JADE2: variants seen among roughly 807,000 people sequenced by gnomAD.
The protein encoded by JADE2 is jade family PHD finger 2.
A neutral mutation model predicts 85.7 loss-of-function variants in JADE2; 13 were observed. The observed-to-expected ratio is 0.15, with a 90% confidence interval of 0.10 to 0.24. The LOEUF (loss-of-function observed/expected upper bound fraction) is 0.24, where lower values mean the gene tolerates loss of function less well. Among genes scored for constraint, JADE2 ranks in the 10% least tolerant of loss-of-function variants. The pLI is 1.00. For synonymous variants in JADE2, 440 were observed against 456.1 expected (o/e 0.96, Z 0.45); for missense variants, 846 against 1,115.9 (o/e 0.76, Z 3.45).
At chr5:134,525,571 C>G, upstream of JADE2, 1 of 499,348 alleles carries the variant, frequency 2.0e-6, no homozygotes, top group South Asian at 2.1e-5. Flanking sequence ...TGGCTACTCC[C>G]CCTCCCTCGC....
intron 7 of JADE2, among the ~76,000 whole-genome samples, chr5:134,563,675 A>C (rs563671748): frequency 6.6e-6 from 1 of 152,216 alleles, no homozygotes; most frequent in African/African-American, 2.4e-5. Context: ...TGAAGCCCAC[A>C]ATGCGGGCTT....
chr5:134,562,189 C>T lies in JADE2; in HGVS notation c.685-11C>T. ...GTTCCGCTGACTCATGACCACCCTG[C>T]TCTCTCCTAGGCATGCTACGGGATC... On this transcript the variant is annotated splice_polypyrimidine_tract_variant and intron_variant, in intron 6 of 11. Transcript: ENST00000681547. This position sits in a 1 kb window ranked among gnomAD's most constrained non-coding sequence, Gnocchi z 4.6. 6.3e-7 allele frequency: 1 copy of T among 1,599,964 alleles called. No individual in the cohort carries two copies. The highest frequency in any genetic ancestry group is 8.5e-7 in the Non-Finnish European group (1 of 1,172,630).
intron 1 of JADE2, chr5:134,533,680 A>AAT: frequency 2.0e-6 from 1 of 490,152 alleles, no homozygotes; most frequent in Non-Finnish European, 2.6e-6. Flanking sequence ...GCTGAGGAAG[A>AAT]CGTAGGCTAG....
chr5:134,578,950 C>A lies in JADE2; in HGVS notation c.2138C>A (p.Thr713Asn), dbSNP rs35515583. 1 of 1,613,140 alleles carries A rather than the reference C, an allele frequency of 6.2e-7. No homozygotes were observed. The highest frequency in any genetic ancestry group is 1.3e-5 in the African/African-American group (1 of 74,948). Residue 713 changes from threonine to asparagine, a missense_variant, in exon 12 of 12, where the codon ACC (threonine) becomes AAC (asparagine). Transcript: ENST00000681547. The surrounding 1 kb of genome is among the most constrained non-coding windows in gnomAD (Gnocchi z 4.4). ...GCCGGGGACTGTCCCATCCTAGCCA[C>A]CCCTGAAAGCCCCCCGCCACTGGCC... ...PAAGDCPILATPESPPPLAPE... is the reference protein window; with the variant it reads ...PAAGDCPILANPESPPPLAPE...
At chr5:134,546,227 G>A (rs573502172) in intron 3 of JADE2, among the ~76,000 whole-genome samples, 1 of 152,242 alleles carries the variant, frequency 6.6e-6, no homozygotes, top group South Asian at 2.1e-4. Context: ...GGAGTGCAGT[G>A]GCATGATCTC....
At chr5:134,573,582 A>C in intron 9 of JADE2, 63 bp from the exon 10 acceptor site, 3 of 1,161,162 alleles carry the variant, frequency 2.6e-6, no homozygotes, top group Non-Finnish European at 3.9e-6. Flanking sequence ...CAAGGTCCCC[A>C]GAGCTGGGAG....
rs557345965 is a variant in JADE2, at chr5:134,582,683, T to C, written c.*3366T>C. The stretch of plus-strand genomic sequence containing the variant: ...GGAGTCTGAGACCTTTGGTTGTTCT[T>C]TAAGGCACCTCCTGCCACTTTCTCC... On this transcript the variant is annotated 3_prime_UTR_variant, in exon 12 of 12. Transcript: ENST00000681547. The C allele has an allele frequency of 6.5e-6, 1 of 152,790 alleles. No individual in the cohort carries two copies. Among genetic ancestry groups the C allele is most frequent in the East Asian group, 1.9e-4 (1 of 5,178 alleles). The allele number at this position is 152,790 out of a possible 1,614,324, so 9.5% of individuals were successfully genotyped here.
intron 1 of JADE2, among the ~76,000 whole-genome samples, chr5:134,534,686 G>C (rs1761472531): frequency 6.6e-6 from 1 of 152,176 alleles, no homozygotes; most frequent in South Asian, 2.1e-4. Context: ...AGATGGGCTG[G>C]GCAGTGGGGC....
chr5:134,540,472 G>A (rs1015186042), intron 3 of JADE2, among the ~76,000 whole-genome samples: 4 of 151,002 alleles, frequency 2.6e-5, no homozygotes, highest in Non-Finnish European at 2.9e-5. Flanking sequence ...GAGCTCAGGC[G>A]ATCCTCCCAC....
intron 9 of JADE2, among the ~76,000 whole-genome samples, chr5:134,567,327 TC>T (rs1297981521): frequency 6.6e-6 from 1 of 151,920 alleles, no homozygotes; most frequent in Admixed American, 6.6e-5. Flanking sequence ...AGTCCCAGAG[TC>T]TGGAATGGGT....
chr5:134,552,548 T>C (rs1212619693), intron 4 of JADE2, among the ~76,000 whole-genome samples: 3 of 152,158 alleles, frequency 2.0e-5, no homozygotes, highest in African/African-American at 7.2e-5. Context: ...AACCTACTCA[T>C]GCAGTTGTAA....
At position 134,580,747 on chromosome 5, in the gene JADE2, C is replaced by CTT. The variant is rs1421823575; in HGVS notation, c.*1437_*1438dup. 1 of 152,222 alleles carries CTT rather than the reference C, an allele frequency of 6.6e-6. No homozygotes were observed. The highest frequency in any genetic ancestry group is 1.5e-5 in the Non-Finnish European group (1 of 67,956). 9.4% of individuals were successfully genotyped at this position (152,222 alleles called of 1,614,324 possible). A position where few individuals can be genotyped will look rare whatever the true frequency, so the allele number is the denominator to read the frequency against. ...TGGACCTGACAACTTGTCATTTGGACTTTTTTTTAAATGGAGTTCTTTAGC... is the reference window on the plus strand; with the variant it reads ...TGGACCTGACAACTTGTCATTTGGACTTTTTTTTTTAAATGGAGTTCTTTAGC... On this transcript the variant is annotated 3_prime_UTR_variant, in exon 12 of 12. Coordinates refer to ENST00000681547, the MANE Select transcript of JADE2 (RefSeq NM_001388185.1).
chr5:134,557,268 A>ATTTTTT (rs59125974), intron 4 of JADE2, among the ~76,000 whole-genome samples: 10 of 137,864 alleles, frequency 7.3e-5, no homozygotes, highest in African/African-American at 1.9e-4. Context: ...TTATTTTTTT[A>ATTTTTT]TTTTTTTTTT....
intron 4 of JADE2, among the ~76,000 whole-genome samples, chr5:134,552,991 T>TG (rs1762684216): frequency 7.3e-6 from 1 of 136,646 alleles, no homozygotes; most frequent in Non-Finnish European, 1.6e-5. Flanking sequence ...CCTGGCCTTT[T>TG]TTTTTTTTTT....
At chr5:134,555,255 C>A (rs918055302) in intron 4 of JADE2, among the ~76,000 whole-genome samples, 1 of 152,218 alleles carries the variant, frequency 6.6e-6, no homozygotes, top group Non-Finnish European at 1.5e-5. Context: ...TGAGTGAGGG[C>A]CTGTCCTGCC....
intron 3 of JADE2, among the ~76,000 whole-genome samples, chr5:134,546,952 G>A (rs1214267001): frequency 6.6e-6 from 1 of 152,182 alleles, no homozygotes. Context: ...AGGATGAAGT[G>A]TTCAAATCTT....
chr5:134,562,090 G>T lies in JADE2; in HGVS notation c.685-110G>T. The T allele has an allele frequency of 9.5e-7, 1 of 1,048,088 alleles. No individual in the cohort carries two copies. The highest frequency in any genetic ancestry group is 2.4e-5 in the Admixed American group (1 of 42,132). The allele number at this position is 1,048,088 out of a possible 1,614,324, so 64.9% of individuals were successfully genotyped here. ...AAGTTGTACGTGCCAGAGATGGGAGGCTGTGTAGCAGTGTAGCATGGGGCT... is the reference window on the plus strand; with the variant it reads ...AAGTTGTACGTGCCAGAGATGGGAGTCTGTGTAGCAGTGTAGCATGGGGCT... On this transcript the variant is annotated intron_variant, in intron 6 of 11. Coordinates refer to ENST00000681547, the MANE Select transcript of JADE2 (RefSeq NM_001388185.1). The surrounding 1 kb of genome is among the most constrained non-coding windows in gnomAD (Gnocchi z 4.6).
At chr5:134,534,346 C>T (rs534219185) in intron 1 of JADE2, among the ~76,000 whole-genome samples, 6 of 152,154 alleles carry the variant, frequency 3.9e-5, no homozygotes, top group South Asian at 2.1e-4. Flanking sequence ...CTTGTTCCTG[C>T]GTTTGTGCTG....
chr5:134,533,618 C>A (rs1346114190), intron 1 of JADE2: 13 of 976,112 alleles, frequency 1.3e-5, no homozygotes, highest in African/African-American at 1.8e-5. Context: ...ACCTCCCCCC[C>A]ACTCCACCCA....
Sources: allele counts gnomAD v4.1 joint callset (sites outside exome capture counted in the v4.1 genomes callset), GRCh38; gene constraint gnomAD v4.1.1; non-coding constraint Gnocchi (gnomAD v3.1); transcripts MANE v1.5; gene names NCBI Gene and HGNC (gene_info 2026-07-23, HGNC 2026-07-21).